Variants in IL12RB2 observed in about 807,000 individuals in gnomAD.
IL12RB2 encodes the protein interleukin-12 receptor subunit beta-2.
In IL12RB2, 82 loss-of-function variants were observed where a neutral mutation model predicts 89.4. The ratio of observed to expected loss-of-function variants is 0.92; its 90% CI spans 0.77 to 1.10. The LOEUF (loss-of-function observed/expected upper bound fraction) is 1.10, where lower values mean the gene tolerates loss of function less well. Among genes scored for constraint, IL12RB2 ranks in the 50% least tolerant of loss-of-function variants. The pLI, the probability that IL12RB2 is intolerant of heterozygous loss-of-function variation, is 0.00. For missense variants in IL12RB2, 963 were observed against 1,031.9 expected (o/e 0.93, Z 0.92); for synonymous variants, 368 against 370.1 (o/e 0.99, Z 0.07).
intron 10 of IL12RB2, among the ~76,000 whole-genome samples, chr1:67,354,596 G>A (rs577020995): frequency 6.6e-6 from 1 of 152,260 alleles, no homozygotes; most frequent in South Asian, 2.1e-4. Context: ...AATCTCAAGG[G>A]CCTCTTGCCT....
At chr1:67,328,161 TA>T in intron 5 of IL12RB2, 38 bp from the exon 6 acceptor site, 1 of 1,352,846 alleles carries the variant, frequency 7.4e-7, no homozygotes, top group Non-Finnish European at 1.1e-6. Flanking sequence ...AAGTAGCACA[TA>T]AAACATGTTG....
At chr1:67,386,552 C>T (rs757335550) in intron 14 of IL12RB2, 27 bp from the exon 15 acceptor site, 1 of 1,487,904 alleles carries the variant, frequency 6.7e-7, no homozygotes, top group South Asian at 1.1e-5. Flanking sequence ...ATAACTCACT[C>T]AGTCACAGGA....
intron 10 of IL12RB2, among the ~76,000 whole-genome samples, chr1:67,360,504 A>C (rs1661912975): frequency 6.6e-6 from 1 of 151,948 alleles, no homozygotes; most frequent in Admixed American, 6.6e-5. Context: ...TATAAAATAC[A>C]TCAGAGTTGG....
chr1:67,313,528 A>C (rs147706693), intron 1 of IL12RB2, among the ~76,000 whole-genome samples: 100 of 152,288 alleles, frequency 6.6e-4, no homozygotes, highest in African/African-American at 2.4e-3. Flanking sequence ...ATGTTGGATT[A>C]GAAATCAGGA....
intron 8 of IL12RB2, among the ~76,000 whole-genome samples, chr1:67,335,213 C>G (rs2100717665): frequency 6.6e-6 from 1 of 152,224 alleles, no homozygotes; most frequent in Admixed American, 6.5e-5. Flanking sequence ...TGAAAAGAGT[C>G]CAGCAGAGAA....
chr1:67,355,430 A>G (rs1234460577), intron 10 of IL12RB2, among the ~76,000 whole-genome samples: 3 of 151,616 alleles, frequency 2.0e-5, no homozygotes, highest in Admixed American at 2.0e-4. Context: ...AAGAAAAAAA[A>G]AAAAAAAAAA....
chr1:67,325,460 C>T (rs545336945), intron 4 of IL12RB2, among the ~76,000 whole-genome samples: 24 of 152,322 alleles, frequency 1.6e-4, no homozygotes, highest in Middle Eastern at 3.4e-3. Context: ...AGAGGTTTCA[C>T]CATGTTGGCC....
Position 67,330,278 on chromosome 1 carries a change from A to ATTTTTTT in IL12RB2, c.808-382_808-381insTTTTTTT, listed in dbSNP as rs771296432. ...AACTAATTAAAGGGTTTTTTTAAAA[A>ATTTTTTT]AAAAAAAAGCCAGTGCTATGTTTGT... is the stretch of plus-strand genomic sequence containing the variant. On this transcript the variant is annotated intron_variant, in intron 7 of 16. Coordinates refer to ENST00000674203, the MANE Select transcript of IL12RB2 (RefSeq NM_001374259.2). Among the ~76,000 whole-genome samples, 212 of 109,362 alleles carry ATTTTTTT rather than the reference A, an allele frequency of 1.9e-3. 2 individuals carry two copies. Among genetic ancestry groups the ATTTTTTT allele is most frequent in the South Asian group, 8.9e-3 (29 of 3,260 alleles). 71.7% of individuals were successfully genotyped at this position (109,362 alleles called of 152,430 possible). A position where few individuals can be genotyped will look rare whatever the true frequency, so the allele number is the denominator to read the frequency against.
rs749550254 is a variant in IL12RB2 at position 67,395,822 on chromosome 1, C to T, written c.2322C>T (p.Gly774=). The T allele has an allele frequency of 1.2e-6, 2 of 1,612,420 alleles. No homozygotes were observed. The highest frequency in any genetic ancestry group is 1.7e-6 in the Non-Finnish European group (2 of 1,178,752). The change falls in exon 17 of 17, where the codon GGC becomes GGT. Residue 774 remains glycine, a synonymous_variant. Transcript: ENST00000674203. ...TGTACAAGGTGCTGGAGAGCAGGGG[C>T]TCCGACCCAAAGCCCGAAAACCCAG... ...VDLYKVLESR[G]SDPKPENPAC...
Position 67,341,584 on chromosome 1 carries a change from A to AAAG in IL12RB2, c.1038+2883_1038+2884insGAA, listed in dbSNP as rs1553314488. Among the ~76,000 whole-genome samples, 882 of 145,618 alleles carry AAAG rather than the reference A, an allele frequency of 6.1e-3. 4 individuals carry two copies. Among genetic ancestry groups the AAAG allele is most frequent in the African/African-American group, 7.8e-3 (301 of 38,418 alleles). ...GAAAGAAAGAAAGAAAGAAAGAAAG[A>AAAG]AAAGAAAGGAAGGAAAGAAAGAGAA... is the stretch of plus-strand genomic sequence containing the variant. On this transcript the variant is annotated intron_variant, in intron 9 of 16. Coordinates refer to ENST00000674203, the MANE Select transcript of IL12RB2 (RefSeq NM_001374259.2).
chr1:67,322,870 C>T (rs559811947), intron 4 of IL12RB2, among the ~76,000 whole-genome samples: 81 of 152,286 alleles, frequency 5.3e-4, no homozygotes, highest in Non-Finnish European at 9.1e-4. Flanking sequence ...ACCTGCAGTT[C>T]GCAACCTGTG....
chr1:67,378,064 C>T (rs1664166772), intron 13 of IL12RB2, among the ~76,000 whole-genome samples: 1 of 152,170 alleles, frequency 6.6e-6, no homozygotes, highest in African/African-American at 2.4e-5. Context: ...TTGCAGTGAA[C>T]TGAGATTGTG....
chr1:67,393,169 T>C (rs1022560267), intron 16 of IL12RB2, among the ~76,000 whole-genome samples: 2 of 152,084 alleles, frequency 1.3e-5, no homozygotes, highest in African/African-American at 2.4e-5. Flanking sequence ...TCCTAGCAAA[T>C]GTGCTTTGAG....
At position 67,349,528 on chromosome 1, in the gene IL12RB2, A is replaced by G. The variant is rs569994522; in HGVS notation, c.1039-1342A>G. On this transcript the variant is annotated intron_variant, in intron 9 of 16. Coordinates refer to ENST00000674203, the MANE Select transcript of IL12RB2 (RefSeq NM_001374259.2). Reference sequence around the variant, plus strand: ...TTATTCTAATCCATACAACAGGCCTATGAGATCGGCTGCGACAGACATTTG... The same window carrying G: ...TTATTCTAATCCATACAACAGGCCTGTGAGATCGGCTGCGACAGACATTTG... Among the ~76,000 whole-genome samples, 17 of 152,340 alleles carry G rather than the reference A, an allele frequency of 1.1e-4. 1 individual carries two copies. The South Asian group carries it at 3.5e-3, about 32-fold the overall frequency.
chr1:67,324,272 G>A (rs1028302296), intron 4 of IL12RB2, among the ~76,000 whole-genome samples: 1 of 152,212 alleles, frequency 6.6e-6, no homozygotes, highest in Non-Finnish European at 1.5e-5. Flanking sequence ...GCCCAAGCTG[G>A]AGTGCGGTGG....
chr1:67,347,930 T>G (rs745699445), intron 9 of IL12RB2, among the ~76,000 whole-genome samples: 1 of 152,182 alleles, frequency 6.6e-6, no homozygotes, highest in Non-Finnish European at 1.5e-5. Context: ...AAACCGTTCC[T>G]TAATGTCCCC....
At chr1:67,377,974 A>G (rs1195062036) in intron 13 of IL12RB2, among the ~76,000 whole-genome samples, 2 of 151,904 alleles carry the variant, frequency 1.3e-5, no homozygotes, top group Admixed American at 1.3e-4. Context: ...AAAAATACAA[A>G]AATCAACCAG....
chr1:67,374,411 A>G (rs905671693), intron 13 of IL12RB2, among the ~76,000 whole-genome samples: 1 of 152,102 alleles, frequency 6.6e-6, no homozygotes, highest in Non-Finnish European at 1.5e-5. Context: ...TTGCCCCCCA[A>G]ATAACTTTCA....
chr1:67,321,481 AATT>A (rs1442543212), intron 3 of IL12RB2, 118 bp from the exon 4 acceptor site: 49 of 740,494 alleles, frequency 6.6e-5, no homozygotes, highest in Non-Finnish European at 5.2e-5. Context: ...CATGTAGGTT[AATT>A]ATATTTGCAT....
Sources: gnomAD v4.1 joint callset for allele counts (sites outside exome capture counted in the v4.1 genomes callset) on GRCh38, gnomAD v4.1.1 for gene constraint, MANE v1.5 for transcripts, NCBI Gene and HGNC (gene_info 2026-07-23, HGNC 2026-07-21) for gene names.